The following FRMD5 variants were observed in gnomAD, a reference collection of about 807,000 sequenced individuals.
The protein encoded by FRMD5 is FERM domain containing 5, also known as FERM domain-containing protein 5.
Under a neutral mutation model 69.0 loss-of-function variants are expected in FRMD5, and 20 were observed. That is an observed-to-expected ratio of 0.29 (90% CI 0.20 to 0.42). The LOEUF (loss-of-function observed/expected upper bound fraction) is 0.42, where lower values mean the gene tolerates loss of function less well. Ranked by LOEUF, FRMD5 falls within the 10% of genes least tolerant of loss-of-function variation. The probability of loss-of-function intolerance (pLI) is 1.00; values close to 1 mark genes in which losing one functional copy is unlikely to be tolerated. For missense variants in FRMD5, 595 were observed against 708.6 expected (o/e 0.84, Z 1.82); for synonymous variants, 271 against 260.1 (o/e 1.04, Z -0.40).
intron 1 of FRMD5, among the ~76,000 whole-genome samples, chr15:44,143,475 G>C (rs1046164479): frequency 6.6e-6 from 1 of 151,756 alleles, no homozygotes; most frequent in Admixed American, 6.6e-5. Context: ...TGGCCATGAA[G>C]AACTATGATA....
intron 8 of FRMD5, among the ~76,000 whole-genome samples, chr15:43,889,868 C>G (rs2088753809): frequency 6.6e-6 from 1 of 152,206 alleles, no homozygotes. Flanking sequence ...TGCACATTCA[C>G]CTCCACTTGG....
chr15:44,098,545 A>G (rs2076590419), intron 1 of FRMD5, among the ~76,000 whole-genome samples: 1 of 149,218 alleles, frequency 6.7e-6, no homozygotes, highest in Non-Finnish European at 1.5e-5. Context: ...AAAAAGAGAG[A>G]GAGAGACATA....
intron 1 of FRMD5, among the ~76,000 whole-genome samples, chr15:44,092,325 C>G (rs961363161): frequency 3.9e-5 from 6 of 152,162 alleles, no homozygotes; most frequent in South Asian, 2.1e-4. Context: ...CCAAATTGGT[C>G]TCACAGCTCC....
chr15:43,977,083 C>A (rs2090475546), intron 1 of FRMD5, among the ~76,000 whole-genome samples: 1 of 152,084 alleles, frequency 6.6e-6, no homozygotes, highest in Admixed American at 6.6e-5. Context: ...ATACAGCTGC[C>A]TCAGCCTCCC....
At chr15:43,968,452 A>C (rs1302049567) in intron 1 of FRMD5, among the ~76,000 whole-genome samples, 2 of 152,180 alleles carry the variant, frequency 1.3e-5, no homozygotes, top group Non-Finnish European at 2.9e-5. Context: ...TTCTCAGAAG[A>C]ATTTCCTGGG....
chr15:43,879,569 C>G (rs2140343990), intron 13 of FRMD5: 1 of 399,004 alleles, frequency 2.5e-6, no homozygotes, highest in East Asian at 3.6e-5. Context: ...GGAGCCGGGG[C>G]CCCATCCTCA....
chr15:44,012,916 G>A (rs11857959), intron 1 of FRMD5, among the ~76,000 whole-genome samples: 16 of 151,818 alleles, frequency 1.1e-4, no homozygotes, highest in South Asian at 2.1e-4. Flanking sequence ...ACAGGCATGC[G>A]CCACCATGCC....
At position 43,879,855 on chromosome 15, in the gene FRMD5, C is replaced by G. The variant is rs1425206007; in HGVS notation, c.1135+3848G>C. On this transcript the variant is annotated intron_variant, in intron 13 of 13. Transcript: ENST00000417257. ...TCGCGTGTTGCAGGGAGAAGGTCAC[C>G]TCCCCAAGCTTCACATCAGGCTGAA... The G allele has an allele frequency of 3.6e-5, 14 of 389,534 alleles. No individual in the cohort carries two copies. The East Asian group carries it at 4.8e-4, about 13-fold the overall frequency. 24.1% of individuals were successfully genotyped at this position (389,534 alleles called of 1,614,324 possible).
At chr15:43,917,444 G>A (rs1417571232) in intron 4 of FRMD5, among the ~76,000 whole-genome samples, 1 of 152,148 alleles carries the variant, frequency 6.6e-6, no homozygotes, top group Admixed American at 6.5e-5. Flanking sequence ...AGGCTGGAGT[G>A]TAATGCCGCA....
chr15:43,993,899 T>A (rs1386105235), intron 1 of FRMD5, among the ~76,000 whole-genome samples: 1 of 152,232 alleles, frequency 6.6e-6, no homozygotes, highest in Non-Finnish European at 1.5e-5. Flanking sequence ...TAGTTACCCC[T>A]GCTTTCTTTT....
intron 1 of FRMD5, among the ~76,000 whole-genome samples, chr15:43,949,019 T>C (rs923440947): frequency 6.6e-6 from 1 of 152,246 alleles, no homozygotes; most frequent in Non-Finnish European, 1.5e-5. Flanking sequence ...TTTGGGGACC[T>C]CTTCATGGGA....
chr15:44,100,461 G>T (rs1156588102), intron 1 of FRMD5, among the ~76,000 whole-genome samples: 1 of 152,104 alleles, frequency 6.6e-6, no homozygotes, highest in Non-Finnish European at 1.5e-5. Flanking sequence ...ATGTCAAACT[G>T]CTCATAAATG....
At chr15:43,944,980 G>T (rs1170965068) in intron 1 of FRMD5, among the ~76,000 whole-genome samples, 1 of 151,146 alleles carries the variant, frequency 6.6e-6, no homozygotes, top group African/African-American at 2.4e-5. Context: ...GATAGAGGGG[G>T]GGTTTCACCA....
intron 1 of FRMD5, among the ~76,000 whole-genome samples, chr15:44,132,198 G>C (rs549490082): frequency 5.9e-5 from 9 of 152,264 alleles, no homozygotes; most frequent in African/African-American, 2.2e-4. Context: ...CGGAGCTCAG[G>C]CGGTAACGTG....
chr15:43,878,942 T>C (rs2088445527), intron 13 of FRMD5, among the ~76,000 whole-genome samples: 1 of 144,914 alleles, frequency 6.9e-6, no homozygotes, highest in Admixed American at 6.9e-5. Flanking sequence ...CTTTTTTTTT[T>C]TTTTTTTTGA....
intron 1 of FRMD5, among the ~76,000 whole-genome samples, chr15:44,027,750 T>C (rs906091635): frequency 1.3e-5 from 2 of 150,950 alleles, no homozygotes; most frequent in Non-Finnish European, 2.9e-5. Flanking sequence ...TCCTGAGCGA[T>C]TCTCTTGCCT....
At chr15:43,937,703 AAGCTGG>A (rs1180985498) in intron 1 of FRMD5, among the ~76,000 whole-genome samples, 2 of 151,560 alleles carry the variant, frequency 1.3e-5, no homozygotes, top group African/African-American at 4.8e-5. Context: ...GAGGGGGAGA[AAGCTGG>A]AGTGAGCAGA....
chr15:44,149,413 TTCC>T (rs2077408921), intron 1 of FRMD5, among the ~76,000 whole-genome samples: 1 of 152,074 alleles, frequency 6.6e-6, no homozygotes, highest in Non-Finnish European at 1.5e-5. Context: ...ACAAAAGTGC[TTCC>T]TCATCAATAA....
chr15:43,888,259 T>G lies in FRMD5; in HGVS notation c.800A>C (p.Lys267Thr). Residue 267 changes from lysine (K) to threonine (T), a missense_variant, in exon 10 of 14, where the codon AAA becomes ACA. Coordinates refer to ENST00000417257, the MANE Select transcript of FRMD5 (RefSeq NM_032892.5). ...YLYVSQKEEK[K>T]IILTYFAPTP... ...TGGAGCAAAATATGTAAGAATAATT[T>G]TCTTTTCCTGCAAAAAATTCCACAT... is the stretch of plus-strand genomic sequence containing the variant. 1.9e-6 allele frequency: 3 copies of G among 1,612,908 alleles called. No individual in the cohort carries two copies. The highest frequency in any genetic ancestry group is 2.5e-6 in the Non-Finnish European group (3 of 1,178,944).
Sources: gnomAD v4.1 joint callset for allele counts (sites outside exome capture counted in the v4.1 genomes callset) on GRCh38, gnomAD v4.1.1 for gene constraint, MANE v1.5 for transcripts, NCBI Gene and HGNC (gene_info 2026-07-23, HGNC 2026-07-21) for gene names.